Variants in CDK7 observed in about 807,000 individuals in gnomAD.
The protein encoded by CDK7 is cyclin dependent kinase 7.
In CDK7, 25 loss-of-function variants were observed where a neutral mutation model predicts 49.1. The observed-to-expected ratio is 0.51, with a 90% CI of 0.37 to 0.71. CDK7 has a LOEUF of 0.71. Ranked by LOEUF, CDK7 falls within the 30% of genes least tolerant of loss-of-function variation. The pLI is 0.00. For missense variants in CDK7, 316 were observed against 411.7 expected (o/e 0.77, Z 2.01); for synonymous variants, 107 against 140.0 (o/e 0.76, Z 1.67).
chr5:69,238,653 T>A (rs140333664), intron 2 of CDK7, among the ~76,000 whole-genome samples: 67 of 145,448 alleles, frequency 4.6e-4, no homozygotes, highest in East Asian at 4.3e-3. Flanking sequence ...TATTCTTTTT[T>A]TTTTATTTTA....
In CDK7 at chr5:69,277,114, G is replaced by A. The variant is rs1414738648; in HGVS notation, c.1020G>A (p.Leu340=). 2.5e-6 allele frequency: 4 copies of A among 1,594,392 alleles called. No homozygotes were observed. In the African/African-American group the frequency reaches 5.4e-5, roughly 22 times the overall value. ...KRTEALEQGG[L]PKKLIF ...GTTCTTTTTGCTTCCTAGGAGGATT[G>A]CCCAAGAAACTAATTTTTTAAAGAG... The change falls in exon 12 of 12, where the codon TTG becomes TTA. Residue 340 remains leucine (L), a synonymous_variant. Coordinates refer to ENST00000256443, the MANE Select transcript of CDK7 (RefSeq NM_001799.4).
Position 69,235,004 on chromosome 5 carries a change from A to G in CDK7, c.29A>G (p.Lys10Arg), listed in dbSNP as rs1180242079. 2 of 1,603,330 alleles carry G rather than the reference A, an allele frequency of 1.2e-6. No homozygotes were observed. Residue 10 changes from lysine to arginine, a missense_variant, in exon 1 of 12, where the codon AAG becomes AGG. Lys to Arg is a conservative substitution (Grantham distance 26). Coordinates refer to ENST00000256443, the MANE Select transcript of CDK7 (RefSeq NM_001799.4). ...GCTCTGGACGTGAAGTCTCGGGCAA[A>G]GCGTTATGAGAAGCTGGACTTCCTT... MALDVKSRA[K>R]RYEKLDFLGE...
At chr5:69,255,052 G>A (rs1750398276) in intron 4 of CDK7, among the ~76,000 whole-genome samples, 1 of 152,168 alleles carries the variant, frequency 6.6e-6, no homozygotes, top group Non-Finnish European at 1.5e-5. Flanking sequence ...CAATTGAATA[G>A]ATGTAAAGTA....
intron 2 of CDK7, among the ~76,000 whole-genome samples, chr5:69,240,388 C>T (rs1749284836): frequency 6.6e-6 from 1 of 152,062 alleles, no homozygotes; most frequent in African/African-American, 2.4e-5. Flanking sequence ...GTCAAAATGG[C>T]ATGGTTATGT....
At chr5:69,239,219 A>G (rs970150633) in intron 2 of CDK7, among the ~76,000 whole-genome samples, 2 of 152,188 alleles carry the variant, frequency 1.3e-5, no homozygotes, top group Admixed American at 1.3e-4. Flanking sequence ...TTACTGTCCC[A>G]CCACATTCTC....
rs548109846 is a variant in CDK7 at position 69,262,718 on chromosome 5, A to G, written c.627+414A>G. On this transcript the variant is annotated intron_variant, in intron 8 of 11. Coordinates refer to ENST00000256443, the MANE Select transcript of CDK7 (RefSeq NM_001799.4). ...AAAGAAAAGAATTCTTGTCCTGCCA[A>G]TGTCTTTACAACAAAAAGCCTACAA... 2.6e-5 allele frequency among the ~76,000 whole-genome samples: 4 copies of G among 152,180 alleles called. No individual in the cohort carries two copies. In the South Asian group the frequency reaches 8.3e-4, roughly 32 times the overall value.
In CDK7 at chr5:69,254,655, C is replaced by T. The variant is rs1353647168; in HGVS notation, c.214C>T (p.Pro72Ser). 1 of 1,528,036 alleles carries T rather than the reference C, an allele frequency of 6.5e-7. No individual in the cohort carries two copies. The highest frequency in any genetic ancestry group is 2.2e-5 in the East Asian group (1 of 44,470). 94.7% of individuals were successfully genotyped at this position (1,528,036 alleles called of 1,614,324 possible). A position where few individuals can be genotyped will look rare whatever the true frequency, so the allele number is the denominator to read the frequency against. ...EIKLLQELSH[P>S]NIIGLLDAFG... ...AAAATTATTACAGGAGCTAAGTCAT[C>T]CAAATATAATTGGTGTGAGTATGAT... The change falls in exon 4 of 12, where the codon CCA (proline) becomes TCA (serine). Residue 72 changes from proline (P) to serine (S), a missense_variant. Coordinates refer to ENST00000256443, the MANE Select transcript of CDK7 (RefSeq NM_001799.4).
At chr5:69,276,446 G>C in intron 10 of CDK7, 97 bp from the exon 11 acceptor site, 1 of 1,069,672 alleles carries the variant, frequency 9.3e-7, no homozygotes, top group South Asian at 1.4e-5. Context: ...CATTCACATA[G>C]TATTTTTAAT....
intron 2 of CDK7, among the ~76,000 whole-genome samples, chr5:69,237,634 A>G (rs1316046759): frequency 6.6e-6 from 1 of 152,150 alleles, no homozygotes; most frequent in Non-Finnish European, 1.5e-5. Flanking sequence ...TGGCTAGTAC[A>G]TTTGTAGACA....
intron 2 of CDK7, among the ~76,000 whole-genome samples, chr5:69,249,113 C>A (rs953018265): frequency 6.6e-6 from 1 of 151,628 alleles, no homozygotes; most frequent in Admixed American, 6.6e-5. Flanking sequence ...TTAGATTTGC[C>A]CTTTTGAGCC....
chr5:69,267,443 C>T (rs965260577), intron 8 of CDK7, among the ~76,000 whole-genome samples: 5 of 151,448 alleles, frequency 3.3e-5, no homozygotes, highest in African/African-American at 1.2e-4. Context: ...GGATTACAGC[C>T]GTGCACCATG....
chr5:69,260,213 G>A (rs1750729435), intron 7 of CDK7, among the ~76,000 whole-genome samples: 2 of 152,162 alleles, frequency 1.3e-5, no homozygotes, highest in Non-Finnish European at 2.9e-5. Flanking sequence ...AGCTGGGCAT[G>A]GTGGCGCACG....
chr5:69,266,194 G>A (rs1350425777), intron 8 of CDK7, among the ~76,000 whole-genome samples: 2 of 152,204 alleles, frequency 1.3e-5, no homozygotes, highest in Non-Finnish European at 2.9e-5. Context: ...CTGCGGCGGC[G>A]AAGGCTGGGG....
chr5:69,262,208 G>GT lies in CDK7; in HGVS notation c.532dup (p.Tyr178LeufsTer11). The GT allele has an allele frequency of 6.2e-7, 1 of 1,613,538 alleles. No homozygotes were observed. The highest frequency in any genetic ancestry group is 8.5e-7 in the Non-Finnish European group (1 of 1,180,020). ...ACTAATTCTTTTTGTTCTTTAGGTG[G>GT]TATCGGGCCCCCGAGTTACTATTTG... is the stretch of plus-strand genomic sequence containing the variant. On this transcript the variant is annotated frameshift_variant, in exon 8 of 12. Coordinates refer to ENST00000256443, the MANE Select transcript of CDK7 (RefSeq NM_001799.4). LOFTEE classifies it high-confidence loss of function.
intron 11 of CDK7, 91 bp from the exon 12 acceptor site, chr5:69,277,016 G>T: frequency 9.5e-7 from 1 of 1,056,976 alleles, no homozygotes; most frequent in Non-Finnish European, 1.4e-6. Context: ...TAATGTAGTT[G>T]GAATGCAGTG....
intron 9 of CDK7, among the ~76,000 whole-genome samples, chr5:69,270,404 C>T (rs2150229687): frequency 6.6e-6 from 1 of 152,306 alleles, no homozygotes; most frequent in Non-Finnish European, 1.5e-5. Flanking sequence ...GTGATTGCAC[C>T]ACTGCGCTTT....
intron 8 of CDK7, among the ~76,000 whole-genome samples, chr5:69,268,902 G>C (rs932800896): frequency 1.3e-4 from 19 of 150,922 alleles, no homozygotes; most frequent in Non-Finnish European, 1.9e-4. Flanking sequence ...CAGCACTTTG[G>C]GAGGCTGAAG....
intron 2 of CDK7, among the ~76,000 whole-genome samples, chr5:69,241,027 T>A (rs181406992): frequency 2.0e-5 from 3 of 152,324 alleles, no homozygotes; most frequent in African/African-American, 7.2e-5. Context: ...TCTTGGCTAT[T>A]CTGAATAGTG....
chr5:69,263,072 C>T (rs537516350), intron 8 of CDK7, among the ~76,000 whole-genome samples: 3 of 152,288 alleles, frequency 2.0e-5, no homozygotes, highest in African/African-American at 7.2e-5. Flanking sequence ...TACAATGTTA[C>T]TATAGCATTT....
Sources: allele counts gnomAD v4.1 joint callset (sites outside exome capture counted in the v4.1 genomes callset), GRCh38; gene constraint gnomAD v4.1.1; transcripts MANE v1.5; gene names NCBI Gene and HGNC (gene_info 2026-07-23, HGNC 2026-07-21).